RUNDC1: variants seen among roughly 807,000 people sequenced by gnomAD.
The protein encoded by RUNDC1 is RUN domain-containing protein 1.
A neutral mutation model predicts 49.3 loss-of-function variants in RUNDC1; 31 were observed. The observed-to-expected ratio is 0.63, with a 90% CI of 0.47 to 0.85. The LOEUF (loss-of-function observed/expected upper bound fraction) is 0.85, where lower values mean the gene tolerates loss of function less well. Ranked by LOEUF, RUNDC1 falls within the 40% of genes least tolerant of loss-of-function variation. The pLI, the probability that RUNDC1 is intolerant of heterozygous loss-of-function variation, is 0.00. For synonymous variants in RUNDC1, 347 were observed against 348.6 expected (o/e 1.00, Z 0.05); for missense variants, 715 against 806.7 (o/e 0.89, Z 1.38).
intron 1 of RUNDC1, chr17:42,981,289 T>C: frequency 1.7e-6 from 1 of 586,324 alleles, no homozygotes. Context: ...GCACGGAGGA[T>C]GTGGAGAGAT....
Position 42,994,766 on chromosome 17 carries a change from TATC to T in RUNDC1, c.*3054_*3056del, listed in dbSNP as rs1329978484. On this transcript the variant is annotated 3_prime_UTR_variant, in exon 5 of 5. Transcript: ENST00000361677. ...CAGTCAGATATCTGCTAAGCTCTGA[TATC>T]ATCTGTCATTACTGAGAACAGAGCT... 6.6e-6 allele frequency among the ~76,000 whole-genome samples: 1 copy of T among 152,178 alleles called. No individual in the cohort carries two copies. Among genetic ancestry groups the T allele is most frequent in the Non-Finnish European group, 1.5e-5 (1 of 68,038 alleles).
chr17:42,980,611 C>A lies in RUNDC1; in HGVS notation c.35C>A (p.Thr12Lys). The change falls in exon 1 of 5, where the codon ACG (threonine) becomes AAG (lysine). Residue 12 changes from threonine to lysine, a missense_variant. This residue lies in a region of RUNDC1 where 153 missense variants were observed against 139.4 expected (regional missense o/e 1.10). Transcript: ENST00000361677. ...GTCGAAGCGGCTGCAGAGCCGGTAA[C>A]GGTGGTGGCGGCTGTTGGGCCAAAG... ...AAVEAAAEPV[T>K]VVAAVGPKAK... is the part of the protein sequence containing the mutation. 1 of 1,609,088 alleles carries A rather than the reference C, an allele frequency of 6.2e-7. No homozygotes were observed. The highest frequency in any genetic ancestry group is 8.5e-7 in the Non-Finnish European group (1 of 1,179,132).
In RUNDC1 at chr17:42,991,086, T is replaced by C. The variant is rs1369579659; in HGVS notation, c.1212T>C (p.His404=). 3.7e-6 allele frequency: 6 copies of C among 1,614,140 alleles called. No individual in the cohort carries two copies. Among genetic ancestry groups the C allele is most frequent in the Admixed American group, 1.7e-5 (1 of 60,022 alleles). The change falls in exon 5 of 5, where the codon CAT becomes CAC. Residue 404 remains histidine, a synonymous_variant. Transcript: ENST00000361677. ...CCTTGAGGCAGCAGCCACATGACCA[T>C]GTCATCACCTCTGCCAACCTCCAGG... ...QLALRQQPHD[H]VITSANLQDL...
At chr17:42,986,648 C>A (rs931507261) in intron 1 of RUNDC1, among the ~76,000 whole-genome samples, 1 of 152,120 alleles carries the variant, frequency 6.6e-6, no homozygotes, top group Non-Finnish European at 1.5e-5. Context: ...CAGGCGCCCG[C>A]CACCACACCC....
At chr17:42,983,186 A>C (rs1469010568) in intron 1 of RUNDC1, among the ~76,000 whole-genome samples, 1 of 140,846 alleles carries the variant, frequency 7.1e-6, no homozygotes, top group Non-Finnish European at 1.5e-5. Flanking sequence ...TGTCTCAAAA[A>C]AAAAAGGCAA....
Position 42,980,781 on chromosome 17 carries a change from C to A in RUNDC1, c.205C>A (p.Pro69Thr). ...GACGGCCGAGGAGCCTGGCGCGGCCCCGGGCTCCCCGCCGGATTCGCCGGG... is the reference window on the plus strand; with the variant it reads ...GACGGCCGAGGAGCCTGGCGCGGCCACGGGCTCCCCGCCGGATTCGCCGGG... The part of the protein sequence containing the change: ...EATAEEPGAA[P>T]GSPPDSPGRT... Residue 69 changes from proline (P) to threonine (T), a missense_variant, in exon 1 of 5, where the codon CCG becomes ACG. Transcript: ENST00000361677. 1 of 1,430,268 alleles carries A rather than the reference C, an allele frequency of 7.0e-7. No individual in the cohort carries two copies. Among genetic ancestry groups the A allele is most frequent in the Non-Finnish European group, 9.1e-7 (1 of 1,102,074 alleles). The allele number at this position is 1,430,268 out of a possible 1,614,324, so 88.6% of individuals were successfully genotyped here.
In RUNDC1 at chr17:42,991,623, C is replaced by T. The variant is rs1439657041; in HGVS notation, c.1749C>T (p.Ala583=). 1.2e-6 allele frequency: 2 copies of T among 1,614,134 alleles called. No individual in the cohort carries two copies. Among genetic ancestry groups the T allele is most frequent in the Non-Finnish European group, 1.7e-6 (2 of 1,180,030 alleles). The part of the protein sequence containing the change: ...SYMAHTGFES[A]LNLLSRLSSL... ...TGGCACACACAGGCTTTGAGAGTGCCCTCAACCTGCTCAGTCGCCTCAGCA... is the reference window on the plus strand; with the variant it reads ...TGGCACACACAGGCTTTGAGAGTGCTCTCAACCTGCTCAGTCGCCTCAGCA... The change falls in exon 5 of 5, where the codon GCC becomes GCT. Residue 583 remains alanine (A), a synonymous_variant. Transcript: ENST00000361677.
At chr17:42,982,641 T>C (rs2050116342) in intron 1 of RUNDC1, among the ~76,000 whole-genome samples, 1 of 152,102 alleles carries the variant, frequency 6.6e-6, no homozygotes, top group Non-Finnish European at 1.5e-5. Context: ...CAACATTTCA[T>C]GTACCCCATA....
In RUNDC1 at chr17:42,992,164, A is replaced by G. The variant is rs545484827; in HGVS notation, c.*448A>G. ...CAGGAGGCGGAGCTTGCAGTGAGCC[A>G]AGATCGCGCCACTGCACTCCAGCCT... On this transcript the variant is annotated 3_prime_UTR_variant, in exon 5 of 5. Transcript: ENST00000361677. 2.2e-4 allele frequency: 38 copies of G among 169,644 alleles called. No homozygotes were observed. The South Asian group carries it at 4.8e-3, about 22-fold the overall frequency. 10.5% of individuals were successfully genotyped at this position (169,644 alleles called of 1,614,324 possible). A position where few individuals can be genotyped will look rare whatever the true frequency, so the allele number is the denominator to read the frequency against.
At chr17:42,989,661 GTC>G (rs2050213691) in intron 3 of RUNDC1, 122 bp downstream of exon 3, 2 of 861,776 alleles carry the variant, frequency 2.3e-6, no homozygotes, top group East Asian at 2.7e-5. Flanking sequence ...TGGGGACAGT[GTC>G]TCTCTCTGTT....
rs1292571192 is a variant in RUNDC1, at chr17:42,992,490, G to T, written c.*774G>T. On this transcript the variant is annotated 3_prime_UTR_variant, in exon 5 of 5. Transcript: ENST00000361677. The stretch of plus-strand genomic sequence containing the variant: ...AGGCTGAGGCCGGAGAATCGCTTGA[G>T]CCCGAGAGGTGGAGACTGCAGTAAG... 6.9e-6 allele frequency: 1 copy of T among 145,066 alleles called. No homozygotes were observed. The highest frequency in any genetic ancestry group is 2.6e-5 in the African/African-American group (1 of 39,020). 9.0% of individuals were successfully genotyped at this position (145,066 alleles called of 1,614,324 possible).
intron 1 of RUNDC1, among the ~76,000 whole-genome samples, chr17:42,984,280 G>GTTTT (rs1227344186): frequency 3.0e-5 from 4 of 134,604 alleles, no homozygotes; most frequent in Non-Finnish European, 6.4e-5. Context: ...CTGGCCCCCA[G>GTTTT]TTTTTTTTTT....
At chr17:42,988,122 CTG>C (rs778592243) in intron 2 of RUNDC1, among the ~76,000 whole-genome samples, 6 of 152,098 alleles carry the variant, frequency 3.9e-5, no homozygotes, top group Non-Finnish European at 7.3e-5. Context: ...GACTTTAATA[CTG>C]TATTTATTTA....
In RUNDC1 at chr17:42,991,394, G is replaced by A. The variant is rs767751816; in HGVS notation, c.1520G>A (p.Gly507Asp). 1.2e-6 allele frequency: 2 copies of A among 1,614,204 alleles called. No individual in the cohort carries two copies. Among genetic ancestry groups the A allele is most frequent in the Non-Finnish European group, 1.7e-6 (2 of 1,180,034 alleles). Residue 507 changes from glycine (G) to aspartate (D), a missense_variant, in exon 5 of 5, where the codon GGC (glycine) becomes GAC (aspartate). Physicochemically the swap from Gly to Asp is moderately conservative, Grantham distance 94. Transcript: ENST00000361677. ...SQSFALPVTG[G>D]TVVTPKQSLL... Reference sequence around the variant, plus strand: ...TCCTTCGCCCTTCCTGTTACGGGAGGCACTGTTGTCACCCCCAAACAGAGC... The same window carrying A: ...TCCTTCGCCCTTCCTGTTACGGGAGACACTGTTGTCACCCCCAAACAGAGC...
chr17:42,981,074 G>T lies in RUNDC1; in HGVS notation c.498G>T (p.Gln166His). ...GDRPWLRGED[Q>H]SEQEKQERLE... is the part of the protein sequence containing the mutation. ...GGCCATGGTTGCGGGGCGAGGACCA[G>T]GTGAGTGGCTGGAGCCGGGCCGCGA... Residue 166 changes from glutamine (Q) to histidine (H), a missense_variant and splice_region_variant, in exon 1 of 5, where the codon CAG becomes CAT. Physicochemically the swap from Gln to His is conservative, Grantham distance 24. Around this residue, in one of 5 missense-constraint regions of RUNDC1, gnomAD observed 113 missense variants for 93.4 expected, o/e 1.21. Coordinates refer to ENST00000361677, the MANE Select transcript of RUNDC1 (RefSeq NM_173079.5). 3.2e-6 allele frequency: 5 copies of T among 1,563,986 alleles called. No homozygotes were observed. The highest frequency in any genetic ancestry group is 4.3e-6 in the Non-Finnish European group (5 of 1,162,978).
chr17:42,989,320 C>T, intron 2 of RUNDC1, 21 bp from the exon 3 acceptor site: 3 of 1,599,810 alleles, frequency 1.9e-6, no homozygotes, highest in Non-Finnish European at 2.6e-6. Flanking sequence ...AGGGTGTGCT[C>T]ATTGCTTGTG....
chr17:42,983,216 TA>T (rs60468535), intron 1 of RUNDC1, among the ~76,000 whole-genome samples: 15 of 130,538 alleles, frequency 1.1e-4, no homozygotes, highest in Admixed American at 3.2e-4. Context: ...TGTACCACCT[TA>T]AAAAAAAAAA....
At chr17:42,982,286 C>T (rs903078797) in intron 1 of RUNDC1, among the ~76,000 whole-genome samples, 1 of 152,140 alleles carries the variant, frequency 6.6e-6, no homozygotes, top group Non-Finnish European at 1.5e-5. Flanking sequence ...CATGCCCCAT[C>T]CCTTTTCACC....
At chr17:42,983,757 C>T (rs922783280) in intron 1 of RUNDC1, among the ~76,000 whole-genome samples, 24 of 151,828 alleles carry the variant, frequency 1.6e-4, no homozygotes, top group East Asian at 3.9e-4. Flanking sequence ...CAGCAACCTC[C>T]GCCTCCTGGG....
Sources: allele counts gnomAD v4.1 joint callset (sites outside exome capture counted in the v4.1 genomes callset), GRCh38; gene constraint gnomAD v4.1.1; regional missense constraint gnomAD v4.1.1; transcripts MANE v1.5; gene names NCBI Gene and HGNC (gene_info 2026-07-23, HGNC 2026-07-21).